LAMC1: variants seen among roughly 807,000 people sequenced by gnomAD.
The protein encoded by LAMC1 is laminin subunit gamma-1.
LAMC1 carries 38 observed loss-of-function variants against 173.6 expected under a neutral mutation model. The observed-to-expected ratio is 0.22, with a 90% CI of 0.17 to 0.29. LAMC1 has a LOEUF of 0.29. Among genes scored for constraint, LAMC1 ranks in the 10% least tolerant of loss-of-function variants. The pLI is 1.00. For synonymous variants in LAMC1, 746 were observed against 749.1 expected (o/e 1.00, Z 0.07); for missense variants, 1,824 against 2,051.8 (o/e 0.89, Z 2.14).
At chr1:183,068,680 G>A (rs1014631319) in intron 1 of LAMC1, among the ~76,000 whole-genome samples, 2 of 152,100 alleles carry the variant, frequency 1.3e-5, no homozygotes, top group African/African-American at 4.8e-5. Context: ...GGTAGCTCAT[G>A]CCTGTAATCC....
At chr1:183,121,259 A>T (rs35624846) in intron 11 of LAMC1, among the ~76,000 whole-genome samples, 77,704 of 150,412 alleles carry the variant, frequency 0.52, 20,660 homozygotes, top group South Asian at 0.65. Flanking sequence ...TCTCTTCTAA[A>T]AAAAAAAAAT....
intron 1 of LAMC1, among the ~76,000 whole-genome samples, chr1:183,030,593 GC>G (rs796629784): frequency 4.9e-4 from 75 of 152,160 alleles, no homozygotes; most frequent in African/African-American, 1.7e-3. Flanking sequence ...CACTGTAATA[GC>G]TAATATTAAA....
intron 21 of LAMC1, 34 bp from the exon 22 acceptor site, chr1:183,133,372 A>C: frequency 6.3e-7 from 1 of 1,582,170 alleles, no homozygotes; most frequent in Non-Finnish European, 8.6e-7. Context: ...AAAGCAGCTA[A>C]GATTGTCATT....
In LAMC1 at chr1:183,023,474, C is replaced by A; in HGVS notation, c.-243C>A. On this transcript the variant is annotated 5_prime_UTR_variant, in exon 1 of 28. Coordinates refer to ENST00000258341, the MANE Select transcript of LAMC1 (RefSeq NM_002293.4). ...GTCGGCGCGGAGTGCAGGCTGCTCC[C>A]GGGGTAGGTGAGGGAAGCGCGGAGG... The A allele has an allele frequency of 9.6e-6, 2 of 209,012 alleles. No individual in the cohort carries two copies. The highest frequency in any genetic ancestry group is 2.4e-4 in the East Asian group (2 of 8,352). The allele number at this position is 209,012 out of a possible 1,614,324, so 12.9% of individuals were successfully genotyped here. A position where few individuals can be genotyped will look rare whatever the true frequency, so the allele number is the denominator to read the frequency against.
At position 183,137,821 on chromosome 1, in the gene LAMC1, A is replaced by C. The variant is rs20564; in HGVS notation, c.4467A>C (p.Ala1489=). 5.0e-3 allele frequency: 8,017 copies of C among 1,599,698 alleles called. 379 individuals are homozygous for C. The African/African-American group carries it at 0.096, about 19-fold the overall frequency. The change falls in exon 26 of 28, where the codon GCA becomes GCC. Residue 1489 remains alanine (A), a synonymous_variant. Coordinates refer to ENST00000258341, the MANE Select transcript of LAMC1 (RefSeq NM_002293.4). ...QDDADQDMMM[A]GMASQAAQEA... is the part of the protein sequence containing the mutation. The stretch of plus-strand genomic sequence containing the variant: ...ACGCTGACCAGGACATGATGATGGC[A>C]GGGATGGTAAGAGGTTTTGGTATAT...
At chr1:183,093,630 C>A (rs141247274) in intron 1 of LAMC1, among the ~76,000 whole-genome samples, 1 of 152,138 alleles carries the variant, frequency 6.6e-6, no homozygotes, top group Non-Finnish European at 1.5e-5. Context: ...CTTGCTGCAG[C>A]CTTTTCCTGA....
At chr1:183,051,894 T>C (rs1019345669) in intron 1 of LAMC1, among the ~76,000 whole-genome samples, 2 of 152,194 alleles carry the variant, frequency 1.3e-5, no homozygotes, top group African/African-American at 4.8e-5. Context: ...GTGTGTCTAA[T>C]GAAGGGAAGA....
intron 2 of LAMC1, 132 bp downstream of exon 2, chr1:183,103,764 C>G: frequency 1.5e-6 from 1 of 682,834 alleles, no homozygotes; most frequent in Non-Finnish European, 2.3e-6. Flanking sequence ...GCAACACAGA[C>G]AGAGAGCTTG....
chr1:183,079,208 A>G (rs749454446), intron 1 of LAMC1, among the ~76,000 whole-genome samples: 4 of 137,290 alleles, frequency 2.9e-5, no homozygotes, highest in Non-Finnish European at 6.1e-5. Flanking sequence ...CTGCTTATCA[A>G]GCAACTTTCT....
intron 1 of LAMC1, among the ~76,000 whole-genome samples, chr1:183,058,617 A>G (rs533195323): frequency 2.0e-5 from 3 of 152,192 alleles, no homozygotes; most frequent in Admixed American, 1.3e-4. Context: ...ATGTCTTCTT[A>G]TGTCTCAATA....
intron 1 of LAMC1, among the ~76,000 whole-genome samples, chr1:183,044,077 CTG>C (rs1301597820): frequency 1.3e-5 from 2 of 152,032 alleles, no homozygotes; most frequent in Non-Finnish European, 2.9e-5. Context: ...TTGAGGATGA[CTG>C]TGTAAATGGT....
At chr1:183,025,155 A>G (rs1267362092) in intron 1 of LAMC1, among the ~76,000 whole-genome samples, 1 of 152,182 alleles carries the variant, frequency 6.6e-6, no homozygotes, top group Admixed American at 6.5e-5. Flanking sequence ...TCCAGAGAGA[A>G]CAGACTGCCT....
chr1:183,135,968 C>T (rs1023208864), intron 24 of LAMC1, among the ~76,000 whole-genome samples: 1 of 151,926 alleles, frequency 6.6e-6, no homozygotes, highest in African/African-American at 2.4e-5. Context: ...ACCCTGCACC[C>T]TGCACCACAG....
chr1:183,104,935 G>A (rs1023128444), intron 2 of LAMC1, among the ~76,000 whole-genome samples: 10 of 151,888 alleles, frequency 6.6e-5, no homozygotes, highest in Admixed American at 6.6e-4. Flanking sequence ...AGGGCCAGGC[G>A]CAGTGGCTCA....
intron 1 of LAMC1, among the ~76,000 whole-genome samples, chr1:183,028,808 C>A (rs1653762595): frequency 6.6e-6 from 1 of 152,128 alleles, no homozygotes; most frequent in African/African-American, 2.4e-5. Context: ...TGGATGAACT[C>A]GTGTTTGTCT....
At chr1:183,060,790 A>G (rs1248369793) in intron 1 of LAMC1, among the ~76,000 whole-genome samples, 1 of 152,248 alleles carries the variant, frequency 6.6e-6, no homozygotes, top group Non-Finnish European at 1.5e-5. Flanking sequence ...TCTTAAGTTG[A>G]TATAACAGTA....
chr1:183,108,763 G>C (rs989547764), intron 3 of LAMC1, among the ~76,000 whole-genome samples: 1 of 152,152 alleles, frequency 6.6e-6, no homozygotes, highest in African/African-American at 2.4e-5. Flanking sequence ...GACCTTCTTG[G>C]ATCTTACACA....
intron 27 of LAMC1, among the ~76,000 whole-genome samples, chr1:183,142,050 G>C (rs894980286): frequency 1.3e-5 from 2 of 152,158 alleles, no homozygotes; most frequent in Non-Finnish European, 1.5e-5. Flanking sequence ...GCTCCTAATA[G>C]TGTCTAACTC....
chr1:183,077,774 G>GTGTGTGTGTGTGTGTGTGTGTA (rs1341384132), intron 1 of LAMC1, among the ~76,000 whole-genome samples: 1 of 71,244 alleles, frequency 1.4e-5, no homozygotes, highest in African/African-American at 3.6e-5. Flanking sequence ...TATGGCCATT[G>GTGTGTGTGTGTGTGTGTGTGTA]TGTATATATA....
Sources: gnomAD v4.1 joint callset for allele counts (sites outside exome capture counted in the v4.1 genomes callset) on GRCh38, gnomAD v4.1.1 for gene constraint, MANE v1.5 for transcripts, NCBI Gene and HGNC (gene_info 2026-07-23, HGNC 2026-07-21) for gene names.